The following GLRX3 variants were observed in gnomAD, a reference collection of about 807,000 sequenced individuals.
The protein encoded by GLRX3 is glutaredoxin-3.
Under a neutral mutation model 49.5 loss-of-function variants are expected in GLRX3, and 22 were observed. The ratio of observed to expected loss-of-function variants is 0.44; its 90% CI spans 0.32 to 0.63. GLRX3 has a LOEUF of 0.63. Among genes scored for constraint, GLRX3 ranks in the 30% least tolerant of loss-of-function variants. The probability of loss-of-function intolerance (pLI) is 0.05; values close to 1 mark genes in which losing one functional copy is unlikely to be tolerated. For missense variants in GLRX3, 385 were observed against 396.3 expected, an observed-to-expected ratio of 0.97 and a Z score of 0.24; for synonymous variants, 133 against 140.0, an observed-to-expected ratio of 0.95 and a Z score of 0.35.
intron 6 of GLRX3, 60 bp from the exon 7 acceptor site, chr10:130,169,373 G>C: frequency 2.0e-6 from 2 of 992,036 alleles, no homozygotes; most frequent in South Asian, 2.6e-5. Context: ...TCACGAAGCG[G>C]AGGAAAAGTG....
chr10:130,142,402 GC>G (rs1862192203), intron 1 of GLRX3, among the ~76,000 whole-genome samples: 1 of 152,146 alleles, frequency 6.6e-6, no homozygotes, highest in Non-Finnish European at 1.5e-5. Context: ...AGAGGAGACT[GC>G]CTTCTTCTTC....
chr10:130,172,300 A>G (rs1040707587), intron 8 of GLRX3, among the ~76,000 whole-genome samples: 5 of 152,242 alleles, frequency 3.3e-5, no homozygotes, highest in African/African-American at 2.4e-5. Flanking sequence ...CAGTACAGAA[A>G]GCTGAGGGGC....
At chr10:130,171,718 C>A in intron 8 of GLRX3, 82 bp downstream of exon 8, 2 of 835,430 alleles carry the variant, frequency 2.4e-6, no homozygotes, top group African/African-American at 3.3e-5. Context: ...ATAATCCTAG[C>A]ACTTTGGGAG....
At chr10:130,155,862 C>T (rs544831204) in intron 2 of GLRX3, among the ~76,000 whole-genome samples, 2 of 152,134 alleles carry the variant, frequency 1.3e-5, no homozygotes, top group African/African-American at 4.8e-5. Flanking sequence ...CAGAAACGGA[C>T]ACTGAGTTTG....
intron 6 of GLRX3, among the ~76,000 whole-genome samples, chr10:130,167,995 T>C (rs1862726474): frequency 1.3e-5 from 2 of 152,170 alleles, no homozygotes; most frequent in Non-Finnish European, 2.9e-5. Context: ...AGCTGTGTTT[T>C]TTATATGCTT....
chr10:130,170,314 G>T (rs1862779772), intron 7 of GLRX3, among the ~76,000 whole-genome samples: 1 of 152,074 alleles, frequency 6.6e-6, no homozygotes, highest in African/African-American at 2.4e-5. Context: ...AGATGCACCG[G>T]GCAAGTGACA....
At chr10:130,177,256 G>A (rs1480226224) in intron 10 of GLRX3, among the ~76,000 whole-genome samples, 1 of 152,190 alleles carries the variant, frequency 6.6e-6, no homozygotes, top group African/African-American at 2.4e-5. Context: ...CTAATCTAGT[G>A]TCCTGAGAAA....
intron 2 of GLRX3, among the ~76,000 whole-genome samples, chr10:130,149,669 T>C (rs1590060617): frequency 6.6e-6 from 1 of 150,652 alleles, no homozygotes; most frequent in Admixed American, 6.6e-5. Context: ...CAGAGGGGGG[T>C]GGGAGAGAGG....
chr10:130,147,169 A>T (rs898515143), intron 2 of GLRX3, among the ~76,000 whole-genome samples: 2 of 152,230 alleles, frequency 1.3e-5, no homozygotes, highest in African/African-American at 4.8e-5. Context: ...TAACCCTAAA[A>T]TGTCCAATAT....
At chr10:130,159,171 A>G (rs1236291227) in intron 2 of GLRX3, among the ~76,000 whole-genome samples, 1 of 152,220 alleles carries the variant, frequency 6.6e-6, no homozygotes, top group East Asian at 1.9e-4. Flanking sequence ...ATTGGTTTCA[A>G]AAGTTTATAT....
Position 130,136,531 on chromosome 10 carries a change from G to T in GLRX3, c.92+19G>T. On this transcript the variant is annotated intron_variant, in intron 1 of 10. Transcript: ENST00000331244. The stretch of plus-strand genomic sequence containing the variant: ...AAGCCAAGTAAGCGGGGCGGCGAGC[G>T]GTAGGAGTGAGGAGCCGGAGCGGGA... 1 of 1,260,746 alleles carries T rather than the reference G, an allele frequency of 7.9e-7. No individual in the cohort carries two copies. Among genetic ancestry groups the T allele is most frequent in the Non-Finnish European group, 1.0e-6 (1 of 996,284 alleles). 78.1% of individuals were successfully genotyped at this position (1,260,746 alleles called of 1,614,324 possible).
At chr10:130,171,521 G>A (rs1387597997) in intron 7 of GLRX3, 63 bp from the exon 8 acceptor site, 1 of 893,518 alleles carries the variant, frequency 1.1e-6, no homozygotes, top group East Asian at 2.4e-5. Flanking sequence ...AAGAGTATTA[G>A]GTACAACCAT....
At chr10:130,159,828 C>A in intron 2 of GLRX3, 167 bp from the exon 3 acceptor site, 1 of 1,356,240 alleles carries the variant, frequency 7.4e-7, no homozygotes, top group Non-Finnish European at 9.6e-7. Context: ...GATGACATGC[C>A]AGCCCAGTGA....
At chr10:130,136,725 G>T (rs1037781513) in intron 1 of GLRX3, among the ~76,000 whole-genome samples, 1 of 152,196 alleles carries the variant, frequency 6.6e-6, no homozygotes, top group Non-Finnish European at 1.5e-5. Context: ...ACAGCGAGCA[G>T]GGCGCGAGGC....
chr10:130,169,955 T>C (rs567199823), intron 7 of GLRX3, among the ~76,000 whole-genome samples: 3 of 152,240 alleles, frequency 2.0e-5, no homozygotes, highest in Non-Finnish European at 4.4e-5. Flanking sequence ...ATGAGTGAAA[T>C]GGTCAGCAAT....
chr10:130,136,914 C>G (rs911079412), intron 1 of GLRX3, among the ~76,000 whole-genome samples: 1 of 152,152 alleles, frequency 6.6e-6, no homozygotes. Context: ...CCCGGCCCTC[C>G]GCGCCACGGA....
intron 2 of GLRX3, among the ~76,000 whole-genome samples, chr10:130,158,091 T>C (rs568222812): frequency 6.6e-6 from 1 of 152,324 alleles, no homozygotes; most frequent in Admixed American, 6.5e-5. Flanking sequence ...GGGAGCTGAT[T>C]GAGTGGAGGC....
intron 2 of GLRX3, among the ~76,000 whole-genome samples, chr10:130,151,457 G>A (rs537637661): frequency 6.6e-6 from 1 of 152,188 alleles, no homozygotes; most frequent in East Asian, 1.9e-4. Context: ...GTGCCATGTT[G>A]GTTTGCTGTA....
chr10:130,172,054 C>CTT (rs1332673735), intron 8 of GLRX3, among the ~76,000 whole-genome samples: 1 of 152,150 alleles, frequency 6.6e-6, no homozygotes, highest in African/African-American at 2.4e-5. Context: ...CTGTATCTTT[C>CTT]TTTATTTTTT....
Sources: allele counts gnomAD v4.1 joint callset (sites outside exome capture counted in the v4.1 genomes callset), GRCh38; gene constraint gnomAD v4.1.1; transcripts MANE v1.5; gene names NCBI Gene and HGNC (gene_info 2026-07-23, HGNC 2026-07-21).